ADAP2: variants seen among roughly 807,000 people sequenced by gnomAD.
ADAP2 encodes ArfGAP with dual PH domains 2.
ADAP2 carries 42 observed loss-of-function variants against 54.9 expected under a neutral mutation model. That is an observed-to-expected ratio of 0.77 (90% CI 0.60 to 0.99). The LOEUF is 0.99. ADAP2 is among the 50% of genes least tolerant of loss of function. The pLI is 0.00. For missense variants in ADAP2, 429 were observed against 480.4 expected (o/e 0.89, Z 1.00); for synonymous variants, 177 against 180.1 (o/e 0.98, Z 0.14).
chr17:30,952,323 G>A (rs897112166), intron 7 of ADAP2, among the ~76,000 whole-genome samples: 1 of 152,130 alleles, frequency 6.6e-6, no homozygotes, highest in African/African-American at 2.4e-5. Context: ...CAGGTCTCCC[G>A]ACTTCTGCTT....
At chr17:30,955,082 A>C (rs1182595866) in intron 9 of ADAP2, among the ~76,000 whole-genome samples, 1 of 151,500 alleles carries the variant, frequency 6.6e-6, no homozygotes, top group Non-Finnish European at 1.5e-5. Context: ...GCTGATTTTA[A>C]TAAGTGCTCC....
Position 30,926,901 on chromosome 17 carries a change from C to T in ADAP2, c.300C>T (p.Pro100=), listed in dbSNP as rs1308950560. The change falls in exon 3 of 11, where the codon CCC becomes CCT. Residue 100 remains proline, a synonymous_variant. Coordinates refer to ENST00000330889, the MANE Select transcript of ADAP2 (RefSeq NM_018404.3). ...EARVPAFYYI[P]QANDCLVLKE... is the part of the protein sequence containing the mutation. ...GAGTCCCAGCTTTCTACTACATCCCCCAGGCCAACGACTGCCTGTGAGTGG... is the reference window on the plus strand; with the variant it reads ...GAGTCCCAGCTTTCTACTACATCCCTCAGGCCAACGACTGCCTGTGAGTGG... 2 of 1,614,076 alleles carry T rather than the reference C, an allele frequency of 1.2e-6. No individual in the cohort carries two copies. The highest frequency in any genetic ancestry group is 1.7e-5 in the Admixed American group (1 of 60,022).
At chr17:30,934,884 A>AG (rs1274317713) in intron 5 of ADAP2, among the ~76,000 whole-genome samples, 3 of 152,094 alleles carry the variant, frequency 2.0e-5, no homozygotes, top group African/African-American at 7.2e-5. Flanking sequence ...AAATACAAAA[A>AG]TTAGCTGGGT....
At chr17:30,927,629 AT>A (rs1212663267) in intron 3 of ADAP2, among the ~76,000 whole-genome samples, 57 of 151,694 alleles carry the variant, frequency 3.8e-4, no homozygotes, top group African/African-American at 1.4e-3. Context: ...AAAAAAAAAA[AT>A]AAAAGATAGA....
rs752651092 is a variant in ADAP2, at chr17:30,956,301, G to C, written c.943G>C (p.Glu315Gln). The C allele has an allele frequency of 3.7e-6, 6 of 1,614,048 alleles. No homozygotes were observed. The highest frequency in any genetic ancestry group is 5.1e-6 in the Non-Finnish European group (6 of 1,180,042). ...CAAGGAGCAGGGATATGAAGCCTAC[G>C]AAGACCTGCCCAAGGGCATCCGAGG... Reference protein sequence around the residue: ...GNKEQGYEAYEDLPKGIRGNR... With the variant: ...GNKEQGYEAYQDLPKGIRGNR... The change falls in exon 10 of 11, where the codon GAA becomes CAA. Residue 315 changes from glutamate (E) to glutamine (Q), a missense_variant. Coordinates refer to ENST00000330889, the MANE Select transcript of ADAP2 (RefSeq NM_018404.3).
chr17:30,930,919 T>G (rs1911428684), intron 3 of ADAP2, among the ~76,000 whole-genome samples: 1 of 152,194 alleles, frequency 6.6e-6, no homozygotes, highest in Admixed American at 6.5e-5. Flanking sequence ...TATATACATT[T>G]AAACCTCTCA....
At position 30,944,983 on chromosome 17, in the gene ADAP2, A is replaced by G. The variant is rs768301963; in HGVS notation, c.587A>G (p.His196Arg). ...CAGACAGAGAAGATAGGGCACCCCCATGGGCTGCAGATCACCTACAGGAGA... is the reference window on the plus strand; with the variant it reads ...CAGACAGAGAAGATAGGGCACCCCCGTGGGCTGCAGATCACCTACAGGAGA... ...TFQTEKIGHP[H>R]GLQITYRRDG... The change falls in exon 6 of 11, where the codon CAT becomes CGT. Residue 196 changes from histidine (H) to arginine (R), a missense_variant. Physicochemically the swap from His to Arg is conservative, Grantham distance 29 (BLOSUM62 0). Coordinates refer to ENST00000330889, the MANE Select transcript of ADAP2 (RefSeq NM_018404.3). 3.1e-6 allele frequency: 5 copies of G among 1,614,082 alleles called. No homozygotes were observed. The highest frequency in any genetic ancestry group is 4.2e-6 in the Non-Finnish European group (5 of 1,179,980).
At chr17:30,940,471 A>AT (rs1912194063) in intron 5 of ADAP2, among the ~76,000 whole-genome samples, 1 of 151,738 alleles carries the variant, frequency 6.6e-6, no homozygotes, top group South Asian at 2.1e-4. Flanking sequence ...TGCTGGGCTA[A>AT]TTTTTGTATT....
In ADAP2 at chr17:30,956,452, C is replaced by T. The variant is rs781543608; in HGVS notation, c.1094C>T (p.Thr365Met). 1.2e-5 allele frequency: 19 copies of T among 1,614,020 alleles called. No homozygotes were observed. Among genetic ancestry groups the T allele is most frequent in the Admixed American group, 3.3e-5 (2 of 59,996 alleles). ...SLRGVLSSPL[T>M]PLNRLTASTE... The stretch of plus-strand genomic sequence containing the variant: ...CGGGGTGTCCTGTCCAGCCCCTTGA[C>T]GCCCCTCAACCGGCTTAGTAAGAAG... The change falls in exon 10 of 11, where the codon ACG (threonine) becomes ATG (methionine). Residue 365 changes from threonine to methionine, a missense_variant. Coordinates refer to ENST00000330889, the MANE Select transcript of ADAP2 (RefSeq NM_018404.3).
At chr17:30,945,880 G>A (rs1249939283) in intron 6 of ADAP2, among the ~76,000 whole-genome samples, 3 of 147,774 alleles carry the variant, frequency 2.0e-5, no homozygotes, top group Non-Finnish European at 3.0e-5. Flanking sequence ...GAGGCCGGGC[G>A]CGGTGGCTCA....
At chr17:30,927,902 C>T (rs1280977090) in intron 3 of ADAP2, among the ~76,000 whole-genome samples, 2 of 151,986 alleles carry the variant, frequency 1.3e-5, no homozygotes, top group Non-Finnish European at 2.9e-5. Flanking sequence ...GTAGCACGTG[C>T]CTGTAGTCTG....
chr17:30,946,323 T>G (rs1184760961), intron 6 of ADAP2, among the ~76,000 whole-genome samples: 3 of 151,694 alleles, frequency 2.0e-5, no homozygotes, highest in Non-Finnish European at 2.9e-5. Context: ...ACCTCCACCT[T>G]CAGGGTTCAA....
chr17:30,949,196 C>A, intron 6 of ADAP2, 91 bp from the exon 7 acceptor site: 1 of 1,028,520 alleles, frequency 9.7e-7, no homozygotes, highest in Non-Finnish European at 1.5e-6. Flanking sequence ...GCCCCACACC[C>A]AATGCCCAGC....
At chr17:30,949,861 G>C (rs1385553269) in intron 7 of ADAP2, among the ~76,000 whole-genome samples, 2 of 152,212 alleles carry the variant, frequency 1.3e-5, no homozygotes, top group Non-Finnish European at 2.9e-5. Flanking sequence ...TTCTCCAGGG[G>C]AGCCTGCGGG....
At chr17:30,926,136 C>CT (rs1214417786) in intron 2 of ADAP2, among the ~76,000 whole-genome samples, 5 of 152,220 alleles carry the variant, frequency 3.3e-5, no homozygotes, top group African/African-American at 1.2e-4. Flanking sequence ...GCGACACAGC[C>CT]TAGCGGCCCC....
intron 5 of ADAP2, among the ~76,000 whole-genome samples, chr17:30,944,107 G>A (rs561607315): frequency 2.8e-4 from 43 of 152,116 alleles, no homozygotes; most frequent in African/African-American, 9.9e-4. Context: ...CAGGAGAATC[G>A]CTTGAACCTG....
intron 2 of ADAP2, among the ~76,000 whole-genome samples, chr17:30,925,569 C>CTTTTCTTTTT (rs1323661510): frequency 1.6e-4 from 24 of 147,544 alleles, no homozygotes; most frequent in African/African-American, 5.3e-4. Context: ...TTCTTCTTCT[C>CTTTTCTTTTT]TTTTCTTTTC....
At chr17:30,929,539 C>T (rs1019656805) in intron 3 of ADAP2, among the ~76,000 whole-genome samples, 2 of 152,190 alleles carry the variant, frequency 1.3e-5, no homozygotes, top group African/African-American at 4.8e-5. Context: ...GTACTAATGG[C>T]CACCTTCAGG....
At chr17:30,953,859 C>T (rs1008697464) in intron 8 of ADAP2, among the ~76,000 whole-genome samples, 1 of 148,796 alleles carries the variant, frequency 6.7e-6, no homozygotes, top group Non-Finnish European at 1.5e-5. Context: ...TTTCTTAAAA[C>T]ATTATGAGAT....
Sources: allele counts gnomAD v4.1 joint callset (sites outside exome capture counted in the v4.1 genomes callset), GRCh38; gene constraint gnomAD v4.1.1; transcripts MANE v1.5; gene names NCBI Gene and HGNC (gene_info 2026-07-23, HGNC 2026-07-21).